MAP3K15: variants seen among roughly 807,000 people sequenced by gnomAD.
MAP3K15 encodes mitogen-activated protein kinase kinase kinase 15.
A neutral mutation model predicts 99.5 loss-of-function variants in MAP3K15; 124 were observed. The ratio of observed to expected loss-of-function variants is 1.25; its 90% CI spans 1.08 to 1.45. The LOEUF is 1.45. Among genes scored for constraint, MAP3K15 ranks in the 40% most tolerant of loss-of-function variants. The pLI is 0.00. For synonymous variants in MAP3K15, 494 were observed against 439.6 expected, an observed-to-expected ratio of 1.12 and a Z score of -1.55; for missense variants, 1,242 against 1,079.7, an observed-to-expected ratio of 1.15 and a Z score of -2.11.
chrX:19,499,518 A>G (rs2064427922), intron 1 of MAP3K15, among the ~76,000 whole-genome samples: 1 of 112,496 alleles, frequency 8.9e-6, no homozygotes, highest in African/African-American at 3.2e-5. Context: ...GTTGTTAACA[A>G]CTCCAAACTA....
chrX:19,469,440 A>G (rs776064873), intron 3 of MAP3K15, among the ~76,000 whole-genome samples: 8 of 112,193 alleles, frequency 7.1e-5, no homozygotes, highest in Admixed American at 4.7e-4. Flanking sequence ...CTAAAACCAT[A>G]AAAACCCTAG....
At chrX:19,399,494 G>A (rs915468249) in intron 14 of MAP3K15, among the ~76,000 whole-genome samples, 5 of 110,054 alleles carry the variant, frequency 4.5e-5, no homozygotes, top group Non-Finnish European at 7.6e-5. Context: ...AACCTGGTAG[G>A]TGGAGGTTGC....
At chrX:19,493,477 C>A (rs1342923989) in intron 1 of MAP3K15, among the ~76,000 whole-genome samples, 5 of 111,259 alleles carry the variant, frequency 4.5e-5, no homozygotes, top group Non-Finnish European at 5.6e-5. Context: ...AGGATTTATA[C>A]CAAAATAGTA....
intron 1 of MAP3K15, among the ~76,000 whole-genome samples, chrX:19,508,320 C>T (rs778521513): frequency 2.7e-5 from 3 of 110,822 alleles, no homozygotes; most frequent in Admixed American, 9.6e-5. Flanking sequence ...TACAGGTACA[C>T]GCCACCACGC....
At chrX:19,464,938 C>CTTCA (rs2064156031) in intron 3 of MAP3K15, among the ~76,000 whole-genome samples, 1 of 111,437 alleles carries the variant, frequency 9.0e-6, no homozygotes, top group Non-Finnish European at 1.9e-5. Context: ...GTCACCTAGA[C>CTTCA]TGAAGTGCAG....
At chrX:19,493,988 G>A (rs1169682104) in intron 1 of MAP3K15, among the ~76,000 whole-genome samples, 2 of 110,905 alleles carry the variant, frequency 1.8e-5, no homozygotes, top group Non-Finnish European at 3.8e-5. Context: ...TAAAAAGGAA[G>A]AGATAAAATT....
chrX:19,456,257 C>T (rs1001328656), intron 6 of MAP3K15, among the ~76,000 whole-genome samples: 2 of 112,256 alleles, frequency 1.8e-5, no homozygotes, highest in African/African-American at 6.5e-5. Flanking sequence ...AGCAGTAAAA[C>T]AGATGATTGT....
At chrX:19,362,054 T>G (rs2063293570) in intron 26 of MAP3K15, among the ~76,000 whole-genome samples, 1 of 110,570 alleles carries the variant, frequency 9.0e-6, no homozygotes, top group African/African-American at 3.3e-5. Context: ...TAAACTACCC[T>G]TTTTAGGTGT....
chrX:19,466,742 G>A (rs978102338), intron 3 of MAP3K15: 1 of 111,786 alleles, frequency 8.9e-6, no homozygotes, highest in Non-Finnish European at 1.9e-5. Flanking sequence ...GATCAGTGAG[G>A]TCTAGAAGGA....
intron 9 of MAP3K15, among the ~76,000 whole-genome samples, chrX:19,419,270 C>G (rs1184564866): frequency 9.0e-6 from 1 of 111,273 alleles, no homozygotes; most frequent in Non-Finnish European, 1.9e-5. Context: ...CAAGACCCAT[C>G]AGTGTGCTGT....
intron 1 of MAP3K15, among the ~76,000 whole-genome samples, chrX:19,507,078 T>C (rs1044173388): frequency 8.9e-6 from 1 of 111,883 alleles, no homozygotes; most frequent in Admixed American, 9.5e-5. Context: ...AAGCAGTTAA[T>C]AGCTAACTCA....
At chrX:19,371,621 A>G (rs1447381193) in intron 22 of MAP3K15, 91 bp from the exon 23 acceptor site, 2 of 883,291 alleles carry the variant, frequency 2.3e-6, no homozygotes, top group African/African-American at 4.0e-5. Context: ...TCCATTTGCT[A>G]AGAAACTTGT....
chrX:19,508,758 C>T (rs56925854), intron 1 of MAP3K15, among the ~76,000 whole-genome samples: 20,278 of 108,519 alleles, frequency 0.19, 1,678 homozygotes, highest in African/African-American at 0.29. Flanking sequence ...GTGACTCACA[C>T]CTGTAATCCC....
Position 19,460,170 on chromosome X carries a change from AC to A in MAP3K15, c.720-18del. ...TAATAAACACTATAGAAAGAAAAAC[AC>A]AAAATCCTCCAGTCACATCTGCACG... On this transcript the variant is annotated intron_variant, in intron 4 of 28. Coordinates refer to ENST00000338883, the MANE Select transcript of MAP3K15 (RefSeq NM_001001671.4). 3.5e-6 allele frequency: 4 copies of A among 1,131,272 alleles called. No homozygotes were observed. The highest frequency in any genetic ancestry group is 4.7e-6 in the Non-Finnish European group (4 of 850,028). 93.2% of individuals were successfully genotyped at this position (1,131,272 alleles called of 1,213,427 possible).
At chrX:19,497,320 C>T (rs900374418) in intron 1 of MAP3K15, among the ~76,000 whole-genome samples, 3 of 109,767 alleles carry the variant, frequency 2.7e-5, no homozygotes, top group Admixed American at 9.8e-5. Flanking sequence ...CGCCACCACG[C>T]CTGGCTAATT....
At chrX:19,371,209 A>G in intron 23 of MAP3K15, 136 bp downstream of exon 23, 4 of 831,602 alleles carry the variant, frequency 4.8e-6, no homozygotes, top group Non-Finnish European at 6.8e-6. Context: ...CATTTCCTGG[A>G]CTTCATTGTT....
At chrX:19,420,989 A>C (rs1465801706) in intron 9 of MAP3K15, among the ~76,000 whole-genome samples, 2 of 111,633 alleles carry the variant, frequency 1.8e-5, no homozygotes, top group East Asian at 2.8e-4. Context: ...ACAACGCTTC[A>C]TGCTAAAAAC....
intron 11 of MAP3K15, 21 bp downstream of exon 11, chrX:19,413,336 C>T: frequency 8.9e-7 from 1 of 1,127,837 alleles, no homozygotes; most frequent in Non-Finnish European, 1.2e-6. Flanking sequence ...GATTAAATTG[C>T]TTGTGATTTT....
At chrX:19,437,481 T>C (rs2063930099) in intron 6 of MAP3K15, among the ~76,000 whole-genome samples, 1 of 111,662 alleles carries the variant, frequency 9.0e-6, no homozygotes, top group Non-Finnish European at 1.9e-5. Flanking sequence ...CTGTTCCACA[T>C]GCTGATCCCT....
Sources: allele counts gnomAD v4.1 joint callset (sites outside exome capture counted in the v4.1 genomes callset), GRCh38; gene constraint gnomAD v4.1.1; transcripts MANE v1.5; gene names NCBI Gene and HGNC (gene_info 2026-07-23, HGNC 2026-07-21).